The following USP7 variants were observed in gnomAD, a reference collection of about 807,000 sequenced individuals.
USP7 encodes the protein ubiquitin specific peptidase 7.
Under a neutral mutation model 162.9 loss-of-function variants are expected in USP7, and 9 were observed. That is an observed-to-expected ratio of 0.06 (90% CI 0.03 to 0.10). USP7 has a LOEUF of 0.10. Among genes scored for constraint, USP7 ranks in the 10% least tolerant of loss-of-function variants. The pLI is 1.00. For missense variants in USP7, 715 were observed against 1,373.7 expected (o/e 0.52, Z 7.58); for synonymous variants, 562 against 475.9 (o/e 1.18, Z -2.35).
At chr16:8,909,386 A>C (rs934212025) in intron 11 of USP7, among the ~76,000 whole-genome samples, 2 of 152,182 alleles carry the variant, frequency 1.3e-5, no homozygotes, top group African/African-American at 4.8e-5. Flanking sequence ...GGTGTACATC[A>C]GCTCATTTAA....
intron 1 of USP7, among the ~76,000 whole-genome samples, chr16:8,957,140 T>A (rs527827280): frequency 6.6e-6 from 1 of 152,220 alleles, no homozygotes; most frequent in South Asian, 2.1e-4. Flanking sequence ...CCCTCAGAAG[T>A]AGACCTGCTT....
chr16:8,942,008 G>C (rs977605075), intron 1 of USP7, among the ~76,000 whole-genome samples: 1 of 152,246 alleles, frequency 6.6e-6, no homozygotes, highest in African/African-American at 2.4e-5. Context: ...CAAGCACAGA[G>C]TGGCAAATTC....
Position 8,921,181 on chromosome 16 carries a change from T to C in USP7, c.498A>G (p.Gly166=), listed in dbSNP as rs751217208. ...HLFFHKENDW[G]FSNFMAWSEV... ...CACTCCAGGCCATAAAATTGGAAAA[T>C]CCCCAATCATTTTCTTTATGGAAGA... is the stretch of plus-strand genomic sequence containing the variant. The change falls in exon 4 of 31, where the codon GGA becomes GGG. Residue 166 remains glycine (G), a synonymous_variant. Transcript: ENST00000344836. 2 of 1,613,908 alleles carry C rather than the reference T, an allele frequency of 1.2e-6. No individual in the cohort carries two copies. Among genetic ancestry groups the C allele is most frequent in the Non-Finnish European group, 1.7e-6 (2 of 1,180,004 alleles).
intron 15 of USP7, 61 bp from the exon 16 acceptor site, chr16:8,903,463 T>G (rs2061810158): frequency 2.6e-6 from 4 of 1,557,758 alleles, no homozygotes; most frequent in African/African-American, 1.4e-5. Context: ...GAGTCCACAC[T>G]GAACACATTT....
At chr16:8,943,578 G>A (rs750857096) in intron 1 of USP7, among the ~76,000 whole-genome samples, 8 of 151,538 alleles carry the variant, frequency 5.3e-5, no homozygotes, top group African/African-American at 2.4e-5. Flanking sequence ...CACCTCCCTC[G>A]TTAACGTGGG....
Position 8,963,198 on chromosome 16 carries a change from G to C in USP7, c.79+9C>G, listed in dbSNP as rs1263064586. 4.3e-6 allele frequency: 6 copies of C among 1,410,656 alleles called. No individual in the cohort carries two copies. Among genetic ancestry groups the C allele is most frequent in the Non-Finnish European group, 5.6e-6 (6 of 1,073,066 alleles). The allele number at this position is 1,410,656 out of a possible 1,614,324, so 87.4% of individuals were successfully genotyped here. ...CCCGGCCCCGCCGCGGCCGGCCCTC[G>C]GGCCTCACCTTCCATCTCCATGTCC... is the stretch of plus-strand genomic sequence containing the variant. On this transcript the variant is annotated intron_variant, in intron 1 of 30. Transcript: ENST00000344836.
chr16:8,904,884 G>A (rs549339217), intron 14 of USP7, among the ~76,000 whole-genome samples: 4 of 152,200 alleles, frequency 2.6e-5, no homozygotes, highest in African/African-American at 9.6e-5. Context: ...AGGCAGGAGA[G>A]TGGCGAGAAC....
intron 6 of USP7, 150 bp from the exon 7 acceptor site, chr16:8,917,306 T>C (rs899129481): frequency 1.0e-4 from 96 of 943,340 alleles, no homozygotes; most frequent in Non-Finnish European, 1.3e-4. Context: ...ATCCCCAAAT[T>C]GGTGAGAAAG....
chr16:8,941,733 G>GGTGCGT (rs1369943392), intron 1 of USP7, among the ~76,000 whole-genome samples: 26 of 152,292 alleles, frequency 1.7e-4, no homozygotes, highest in Admixed American at 5.9e-4. Flanking sequence ...TGTGTTGGGT[G>GGTGCGT]GTGCGTGCTG....
intron 23 of USP7, 42 bp downstream of exon 23, chr16:8,899,079 C>T (rs1362164751): frequency 1.3e-6 from 2 of 1,589,340 alleles, no homozygotes; most frequent in Non-Finnish European, 1.7e-6. Flanking sequence ...CTGTGGAAAG[C>T]ATGCAGTCAA....
At chr16:8,895,232 C>G (rs1034856873) in intron 27 of USP7, 82 bp from the exon 28 acceptor site, 5 of 1,601,284 alleles carry the variant, frequency 3.1e-6, no homozygotes, top group Admixed American at 3.4e-5. Context: ...TCACACTACT[C>G]TAACCCGGAG....
chr16:8,950,467 G>C (rs1196067555), intron 1 of USP7, among the ~76,000 whole-genome samples: 1 of 152,206 alleles, frequency 6.6e-6, no homozygotes, highest in Non-Finnish European at 1.5e-5. Context: ...AGTAAATGCA[G>C]ATGTGTGGTG....
intron 18 of USP7, 112 bp downstream of exon 18, chr16:8,901,970 T>C: frequency 2.3e-6 from 2 of 887,876 alleles, no homozygotes; most frequent in Non-Finnish European, 3.5e-6. Flanking sequence ...GTGGAATTGA[T>C]CAACACATCT....
In USP7 at chr16:8,960,869, C is replaced by T. The variant is rs141526086; in HGVS notation, c.79+2338G>A. ...CACAAGTAGCTTTTTAAACCACACA[C>T]CAGTGGGTACTCACAGGGCACTATT... On this transcript the variant is annotated intron_variant, in intron 1 of 30. Transcript: ENST00000344836. Among the ~76,000 whole-genome samples, 46 of 152,296 alleles carry T rather than the reference C, an allele frequency of 3.0e-4. No individual in the cohort carries two copies. In the East Asian group the frequency reaches 8.3e-3, roughly 27 times the overall value.
intron 1 of USP7, among the ~76,000 whole-genome samples, chr16:8,949,378 C>T (rs927704601): frequency 6.6e-6 from 1 of 152,134 alleles, no homozygotes; most frequent in Non-Finnish European, 1.5e-5. Flanking sequence ...AACTACTGTT[C>T]GAGGCATTGA....
chr16:8,937,630 A>G (rs8048374), intron 1 of USP7, among the ~76,000 whole-genome samples: 149,825 of 152,326 alleles, frequency 0.98, 73,738 homozygotes, highest in East Asian at 1. Context: ...GCAGTGAGCA[A>G]GGGCTGCACC....
chr16:8,921,133 C>G, intron 4 of USP7, 24 bp downstream of exon 4: 1 of 1,610,074 alleles, frequency 6.2e-7, no homozygotes, highest in Non-Finnish European at 8.5e-7. Flanking sequence ...ACCAATTGTT[C>G]AGACTAAATA....
In USP7 at chr16:8,898,315, C is replaced by T. The variant is rs371858977; in HGVS notation, c.2718+45G>A. On this transcript the variant is annotated intron_variant, in intron 25 of 30. Transcript: ENST00000344836. ...TCTGGGGACAGGTAGAAACAATAAG[C>T]AAGTTCCAATAAAAATTAAAATTCA... The T allele has an allele frequency of 4.1e-6, 6 of 1,452,460 alleles. No individual in the cohort carries two copies. The South Asian group carries it at 6.0e-5, about 15-fold the overall frequency. The allele number at this position is 1,452,460 out of a possible 1,614,324, so 90.0% of individuals were successfully genotyped here.
rs1293614426 is a variant in USP7, at chr16:8,963,231, C to G, written c.55G>C (p.Glu19Gln). Residue 19 changes from glutamate (E) to glutamine (Q), a missense_variant, in exon 1 of 31, where the codon GAG becomes CAG. Glu to Gln is a conservative substitution (Grantham distance 29). Coordinates refer to ENST00000344836, the MANE Select transcript of USP7 (RefSeq NM_003470.3). ...QQKAGEQQLS[E>Q]PEDMEMEAGD... ...CCTTCCATCTCCATGTCCTCGGGCT[C>G]GCTCAACTGCTGCTCGCCCGCTTTC... 1 of 1,405,182 alleles carries G rather than the reference C, an allele frequency of 7.1e-7. No homozygotes were observed. Among genetic ancestry groups the G allele is most frequent in the Non-Finnish European group, 9.3e-7 (1 of 1,069,600 alleles). The allele number at this position is 1,405,182 out of a possible 1,614,324, so 87.0% of individuals were successfully genotyped here. A position where few individuals can be genotyped will look rare whatever the true frequency, so the allele number is the denominator to read the frequency against.
Sources: allele counts gnomAD v4.1 joint callset (sites outside exome capture counted in the v4.1 genomes callset), GRCh38; gene constraint gnomAD v4.1.1; transcripts MANE v1.5; gene names NCBI Gene and HGNC (gene_info 2026-07-23, HGNC 2026-07-21).